Variants in TBC1D16 observed in about 807,000 individuals in gnomAD.
TBC1D16 encodes TBC1 domain family member 16, also known as CTD-2529O21.1.
In TBC1D16, 58 loss-of-function variants were observed where a neutral mutation model predicts 74.7. The observed-to-expected ratio is 0.78, with a 90% CI of 0.63 to 0.97. The LOEUF is 0.97. Ranked by LOEUF, TBC1D16 falls within the 50% of genes least tolerant of loss-of-function variation. The probability of loss-of-function intolerance (pLI) is 0.00; values close to 1 mark genes in which losing one functional copy is unlikely to be tolerated. For synonymous variants in TBC1D16, 493 were observed against 474.7 expected, an observed-to-expected ratio of 1.04 and a Z score of -0.50; for missense variants, 1,014 against 1,079.5, an observed-to-expected ratio of 0.94 and a Z score of 0.85.
chr17:79,942,045 C>G lies in TBC1D16; in HGVS notation c.2055+15G>C, dbSNP rs754270548. 5.1e-5 allele frequency: 82 copies of G among 1,603,836 alleles called. 2 individuals are homozygous for G. The South Asian group carries it at 9.0e-4, about 18-fold the overall frequency. ...GGGCGGGGCGGGGTGGGGCCCACAT[C>G]TGGGGCAGCCTCACCTTCCGGAGAA... On this transcript the variant is annotated intron_variant, in intron 11 of 11. Coordinates refer to ENST00000310924, the MANE Select transcript of TBC1D16 (RefSeq NM_019020.4).
Position 80,013,485 on chromosome 17 carries a change from G to A in TBC1D16, c.63C>T (p.Thr21=). ...GGGACCCGCTGCCGCTGCCACCGGG[G>A]GTGAGGGTCAGGAGGTCCGAGGCTT... ...SSKASDLLTL[T]PGGSGSGSPS... is the part of the protein sequence containing the mutation. Residue 21 remains threonine (T), a synonymous_variant, in exon 2 of 12, where the codon ACC becomes ACT. Transcript: ENST00000310924. 1 of 1,590,562 alleles carries A rather than the reference G, an allele frequency of 6.3e-7. No individual in the cohort carries two copies. The highest frequency in any genetic ancestry group is 8.6e-7 in the Non-Finnish European group (1 of 1,169,438).
At chr17:79,949,951 GT>G in intron 6 of TBC1D16, 86 bp from the exon 7 acceptor site, 6 of 1,486,566 alleles carry the variant, frequency 4.0e-6, no homozygotes, top group Non-Finnish European at 3.6e-6. Flanking sequence ...TGTTTTGGTG[GT>G]TTTTGGTGCG....
Position 79,934,095 on chromosome 17 carries a change from G to A in TBC1D16, c.*6764C>T, listed in dbSNP as rs2031432631. 1 of 152,268 alleles carries A rather than the reference G, an allele frequency of 6.6e-6. No individual in the cohort carries two copies. The highest frequency in any genetic ancestry group is 2.4e-5 in the African/African-American group (1 of 41,454). The allele number at this position is 152,268 out of a possible 1,614,324, so 9.4% of individuals were successfully genotyped here. A position where few individuals can be genotyped will look rare whatever the true frequency, so the allele number is the denominator to read the frequency against. On this transcript the variant is annotated 3_prime_UTR_variant, in exon 12 of 12. Coordinates refer to ENST00000310924, the MANE Select transcript of TBC1D16 (RefSeq NM_019020.4). ...TGCGGGACAACAGAGAGCCGGGCCT[G>A]CCCGAGGCACGGCCCCTGAAAAGTG...
chr17:79,972,322 G>C (rs373453538), intron 3 of TBC1D16, among the ~76,000 whole-genome samples: 1 of 152,098 alleles, frequency 6.6e-6, no homozygotes, highest in African/African-American at 2.4e-5. Flanking sequence ...GATCACAGGC[G>C]TGTACTACCA....
At position 79,994,104 on chromosome 17, in the gene TBC1D16, C is replaced by T. The variant is rs1006008665; in HGVS notation, c.779+16056G>A. On this transcript the variant is annotated intron_variant, in intron 3 of 11. Coordinates refer to ENST00000310924, the MANE Select transcript of TBC1D16 (RefSeq NM_019020.4). The surrounding 1 kb of genome is among the most constrained non-coding windows in gnomAD (Gnocchi z 4.6). ...TTGAGGCACTTATTTCCTCCCTGTCCTGACAGTTTTACTAGAAAGGTCAGC... is the reference window on the plus strand; with the variant it reads ...TTGAGGCACTTATTTCCTCCCTGTCTTGACAGTTTTACTAGAAAGGTCAGC... Among the ~76,000 whole-genome samples, 1 of 152,138 alleles carries T rather than the reference C, an allele frequency of 6.6e-6. No individual in the cohort carries two copies. Among genetic ancestry groups the T allele is most frequent in the Non-Finnish European group, 1.5e-5 (1 of 68,038 alleles).
chr17:79,952,981 G>A, intron 3 of TBC1D16, 163 bp from the exon 4 acceptor site: 1 of 714,274 alleles, frequency 1.4e-6, no homozygotes, highest in Non-Finnish European at 2.2e-6. Context: ...ATAAATGAAT[G>A]TATGAACCCC....
Position 79,944,084 on chromosome 17 carries a change from T to C in TBC1D16, c.1908+824A>G, listed in dbSNP as rs946012890. On this transcript the variant is annotated intron_variant, in intron 10 of 11. Transcript: ENST00000310924. This position sits in a 1 kb window ranked among gnomAD's most constrained non-coding sequence, Gnocchi z 7.7. ...GTACCGGCACTCGGTGGCTTCAGAC[T>C]CGCTTTCATCAGACATCAGCCCCCT... 5.2e-6 allele frequency: 8 copies of C among 1,535,830 alleles called. No individual in the cohort carries two copies. The African/African-American group carries it at 1.1e-4, about 21-fold the overall frequency.
chr17:79,966,992 C>A (rs2033870997), intron 3 of TBC1D16, among the ~76,000 whole-genome samples: 1 of 152,066 alleles, frequency 6.6e-6, no homozygotes, highest in Non-Finnish European at 1.5e-5. Flanking sequence ...AAACATTTGA[C>A]AAATCCAACA....
At chr17:79,977,819 G>A (rs1394810415) in intron 3 of TBC1D16, among the ~76,000 whole-genome samples, 1 of 152,254 alleles carries the variant, frequency 6.6e-6, no homozygotes, top group African/African-American at 2.4e-5. Flanking sequence ...ACCCAGCTCT[G>A]GAGTCTGCTC....
At chr17:79,982,664 C>A (rs1201197910) in intron 3 of TBC1D16, among the ~76,000 whole-genome samples, 2 of 150,652 alleles carry the variant, frequency 1.3e-5, no homozygotes, top group African/African-American at 4.9e-5. Context: ...ACCAGCCTGG[C>A]CAACATGGGG....
In TBC1D16 at chr17:79,944,139, C is replaced by T. The variant is rs750388307; in HGVS notation, c.1908+769G>A. 133 of 1,535,914 alleles carry T rather than the reference C, an allele frequency of 8.7e-5. No homozygotes were observed. The African/African-American group carries it at 1.1e-3, about 12-fold the overall frequency. ...TGTGAGTGAGGACAGGAGACGCTGA[C>T]GCAAATGTCTTCCAGCAGATGGGTG... On this transcript the variant is annotated intron_variant, in intron 10 of 11. Transcript: ENST00000310924. The surrounding 1 kb of genome is among the most constrained non-coding windows in gnomAD (Gnocchi z 7.7).
At chr17:80,033,955 G>C (rs1268100015) in intron 1 of TBC1D16, among the ~76,000 whole-genome samples, 1 of 152,336 alleles carries the variant, frequency 6.6e-6, no homozygotes, top group Middle Eastern at 3.4e-3. Context: ...TTGTACAACG[G>C]TTTTCTGGAG....
intron 1 of TBC1D16, among the ~76,000 whole-genome samples, chr17:80,030,469 T>C (rs1388412779): frequency 1.3e-5 from 2 of 152,164 alleles, no homozygotes; most frequent in East Asian, 3.9e-4. Flanking sequence ...GGTCTTAGTT[T>C]CCTGTCCTGG....
At chr17:79,972,655 G>C (rs1360604376) in intron 3 of TBC1D16, among the ~76,000 whole-genome samples, 1 of 152,342 alleles carries the variant, frequency 6.6e-6, no homozygotes, top group East Asian at 1.9e-4. Flanking sequence ...GGGCTTGGGG[G>C]AGAGGAGATG....
Position 79,971,997 on chromosome 17 carries a change from G to A in TBC1D16, c.780-19179C>T, listed in dbSNP as rs1428893891. On this transcript the variant is annotated intron_variant, in intron 3 of 11. Coordinates refer to ENST00000310924, the MANE Select transcript of TBC1D16 (RefSeq NM_019020.4). This position sits in a 1 kb window ranked among gnomAD's most constrained non-coding sequence, Gnocchi z 4.6. Reference sequence around the variant, plus strand: ...CTGGCATTGATTTTTAAAAAGGGTCGCTCAAAAGAACTGAAAGCAGGGACT... The same window carrying A: ...CTGGCATTGATTTTTAAAAAGGGTCACTCAAAAGAACTGAAAGCAGGGACT... Among the ~76,000 whole-genome samples the A allele has an allele frequency of 2.0e-5, 3 of 152,204 alleles. No individual in the cohort carries two copies. The highest frequency in any genetic ancestry group is 2.9e-5 in the Non-Finnish European group (2 of 67,996).
chr17:79,999,503 A>G (rs2035400714), intron 3 of TBC1D16, among the ~76,000 whole-genome samples: 1 of 150,060 alleles, frequency 6.7e-6, no homozygotes, highest in African/African-American at 2.5e-5. Context: ...AAGATCACAA[A>G]TATTTCCCTT....
chr17:79,942,244 C>T (rs779747481), intron 10 of TBC1D16, 38 bp from the exon 11 acceptor site: 42 of 1,554,432 alleles, frequency 2.7e-5, no homozygotes, highest in East Asian at 4.8e-5. Flanking sequence ...GGGCTCTGAC[C>T]GAGCCCCAGG....
Position 79,988,257 on chromosome 17 carries a change from G to A in TBC1D16, c.779+21903C>T, listed in dbSNP as rs1405008945. Among the ~76,000 whole-genome samples the A allele has an allele frequency of 6.6e-6, 1 of 152,144 alleles. No individual in the cohort carries two copies. The highest frequency in any genetic ancestry group is 2.4e-5 in the African/African-American group (1 of 41,422). On this transcript the variant is annotated intron_variant, in intron 3 of 11. Coordinates refer to ENST00000310924, the MANE Select transcript of TBC1D16 (RefSeq NM_019020.4). The surrounding 1 kb of genome is among the most constrained non-coding windows in gnomAD (Gnocchi z 5.7). ...GCTCCTCGGCAAGTGGGCGTCCGCC[G>A]AGCCTTTGATGCACTCTCCAAAGTC... is the stretch of plus-strand genomic sequence containing the variant.
chr17:79,974,973 C>T (rs541364482), intron 3 of TBC1D16, among the ~76,000 whole-genome samples: 33 of 152,320 alleles, frequency 2.2e-4, no homozygotes, highest in Middle Eastern at 6.8e-3. Context: ...TGCCTTTGAC[C>T]TGGGGTTGGG....
Sources: gnomAD v4.1 joint callset for allele counts (sites outside exome capture counted in the v4.1 genomes callset) on GRCh38, gnomAD v4.1.1 for gene constraint, Gnocchi (gnomAD v3.1) non-coding constraint, MANE v1.5 for transcripts, NCBI Gene and HGNC (gene_info 2026-07-23, HGNC 2026-07-21) for gene names.